The following VSTM2L variants were observed in gnomAD, a reference collection of about 807,000 sequenced individuals.
VSTM2L encodes the protein V-set and transmembrane domain-containing protein 2-like protein.
Under a neutral mutation model 19.9 loss-of-function variants are expected in VSTM2L, and 9 were observed. That is an observed-to-expected ratio of 0.45 (90% confidence interval 0.27 to 0.79). VSTM2L has a LOEUF of 0.79. Among genes scored for constraint, VSTM2L ranks in the 30% least tolerant of loss-of-function variants. The pLI is 0.15. For synonymous variants in VSTM2L, 127 were observed against 133.8 expected, an observed-to-expected ratio of 0.95 and a Z score of 0.35; for missense variants, 286 against 295.5, an observed-to-expected ratio of 0.97 and a Z score of 0.24.
intron 3 of VSTM2L, among the ~76,000 whole-genome samples, chr20:37,937,500 G>A (rs907339838): frequency 1.3e-5 from 2 of 152,096 alleles, no homozygotes; most frequent in Non-Finnish European, 2.9e-5. Context: ...AAAGTCATTT[G>A]TGCTAAAATT....
intron 1 of VSTM2L, among the ~76,000 whole-genome samples, chr20:37,923,534 C>T (rs960108456): frequency 6.6e-6 from 1 of 152,228 alleles, no homozygotes; most frequent in African/African-American, 2.4e-5. Context: ...GAGCCCAGCC[C>T]AGCTCAGGCC....
intron 1 of VSTM2L, among the ~76,000 whole-genome samples, chr20:37,920,836 A>G (rs143545761): frequency 1.1e-4 from 16 of 152,284 alleles, no homozygotes; most frequent in African/African-American, 3.6e-4. Context: ...TTCTATGCCT[A>G]TTGGTTTTTT....
intron 3 of VSTM2L, among the ~76,000 whole-genome samples, chr20:37,937,094 G>A (rs1235051701): frequency 2.6e-5 from 4 of 152,058 alleles, no homozygotes; most frequent in East Asian, 1.9e-4. Flanking sequence ...GGTGGTGCAC[G>A]CCTGCAGTCC....
rs2122967975 is a variant in VSTM2L at position 37,931,887 on chromosome 20, C to T, written c.291+83C>T. 1.1e-5 allele frequency: 15 copies of T among 1,425,190 alleles called. No individual in the cohort carries two copies. The South Asian group carries it at 1.6e-4, about 15-fold the overall frequency. The allele number at this position is 1,425,190 out of a possible 1,614,324, so 88.3% of individuals were successfully genotyped here. A position where few individuals can be genotyped will look rare whatever the true frequency, so the allele number is the denominator to read the frequency against. On this transcript the variant is annotated intron_variant, in intron 2 of 3. Coordinates refer to ENST00000373461, the MANE Select transcript of VSTM2L (RefSeq NM_080607.3). ...GGGGTATTTCTCTGCCCCTCTTCTC[C>T]TCTGAGGGATATGGGCTCCAACGCT...
chr20:37,923,523 C>G (rs73096431), intron 1 of VSTM2L, among the ~76,000 whole-genome samples: 3 of 152,222 alleles, frequency 2.0e-5, no homozygotes, highest in Admixed American at 6.5e-5. Flanking sequence ...GTCTTCCCAG[C>G]GAGCCCAGCC....
intron 1 of VSTM2L, among the ~76,000 whole-genome samples, chr20:37,913,837 T>C (rs1206069558): frequency 6.6e-6 from 1 of 152,030 alleles, no homozygotes; most frequent in East Asian, 1.9e-4. Flanking sequence ...GGCTCTGGAG[T>C]TTGGTCTTAC....
chr20:37,931,259 G>A (rs998958136), intron 1 of VSTM2L, among the ~76,000 whole-genome samples: 1 of 152,188 alleles, frequency 6.6e-6, no homozygotes, highest in African/African-American at 2.4e-5. Flanking sequence ...TGGGTTACTG[G>A]AAGAACCTGG....
In VSTM2L at chr20:37,904,857, C is replaced by T. The variant is rs555364144; in HGVS notation, c.121+1386C>T. On this transcript the variant is annotated intron_variant, in intron 1 of 3. Coordinates refer to ENST00000373461, the MANE Select transcript of VSTM2L (RefSeq NM_080607.3). ...CTGCTTTTTGGGAACCATGACTCCC[C>T]GCCCCCTTCTGCCTCACCATGTTTG... is the stretch of plus-strand genomic sequence containing the variant. Among the ~76,000 whole-genome samples, 9 of 152,244 alleles carry T rather than the reference C, an allele frequency of 5.9e-5. No individual in the cohort carries two copies. In the South Asian group the frequency reaches 8.3e-4, roughly 14 times the overall value.
intron 3 of VSTM2L, among the ~76,000 whole-genome samples, 180 bp from the exon 4 acceptor site, chr20:37,943,801 A>G (rs1476890524): frequency 6.6e-6 from 1 of 151,960 alleles, no homozygotes; most frequent in African/African-American, 2.4e-5. Flanking sequence ...GTTGGTGGAC[A>G]TGGCAGTTGC....
chr20:37,923,963 G>A (rs1288590744), intron 1 of VSTM2L, among the ~76,000 whole-genome samples: 2 of 152,232 alleles, frequency 1.3e-5, no homozygotes, highest in African/African-American at 2.4e-5. Context: ...GCACCTGGGT[G>A]TGGTGGCTCA....
At chr20:37,909,104 G>T (rs977121998) in intron 1 of VSTM2L, among the ~76,000 whole-genome samples, 5 of 152,186 alleles carry the variant, frequency 3.3e-5, no homozygotes, top group African/African-American at 1.2e-4. Flanking sequence ...TCACACAGAG[G>T]GGAAGAGCAG....
rs540555335 is a variant in VSTM2L at position 37,935,636 on chromosome 20, G to A, written c.342+2047G>A. Among the ~76,000 whole-genome samples, 13 of 152,150 alleles carry A rather than the reference G, an allele frequency of 8.5e-5. No individual in the cohort carries two copies. In the South Asian group the frequency reaches 1.9e-3, roughly 22 times the overall value. ...CCCTTGAACTTGTGACCCAGCTGGC[G>A]CCCCTCCCATTTCCCTGCTGGCTGT... On this transcript the variant is annotated intron_variant, in intron 3 of 3. Transcript: ENST00000373461.
chr20:37,935,404 C>T (rs2072933800), intron 3 of VSTM2L, among the ~76,000 whole-genome samples: 1 of 152,198 alleles, frequency 6.6e-6, no homozygotes, highest in South Asian at 2.1e-4. Flanking sequence ...CCAAACTTTT[C>T]TCCATGGCCT....
At chr20:37,903,501 C>A (rs1466521293) in intron 1 of VSTM2L, 30 bp downstream of exon 1, 1 of 1,452,490 alleles carries the variant, frequency 6.9e-7, no homozygotes, top group Admixed American at 2.6e-5. Context: ...CCGCGGACTT[C>A]CCCACCAAAC....
At chr20:37,941,282 G>C (rs2072970351) in intron 3 of VSTM2L, among the ~76,000 whole-genome samples, 1 of 152,182 alleles carries the variant, frequency 6.6e-6, no homozygotes, top group Non-Finnish European at 1.5e-5. Flanking sequence ...CAGGAAATAG[G>C]AGGGAGTGGG....
intron 1 of VSTM2L, among the ~76,000 whole-genome samples, chr20:37,904,180 C>T (rs762840543): frequency 2.6e-5 from 4 of 152,202 alleles, no homozygotes; most frequent in Non-Finnish European, 4.4e-5. Context: ...CGGGTGGCAC[C>T]TGGTGGAAGC....
At position 37,931,646 on chromosome 20, in the gene VSTM2L, G is replaced by A; in HGVS notation, c.133G>A (p.Glu45Lys). The A allele has an allele frequency of 6.2e-7, 1 of 1,612,820 alleles. No individual in the cohort carries two copies. Among genetic ancestry groups the A allele is most frequent in the Non-Finnish European group, 8.5e-7 (1 of 1,179,878 alleles). ...TGTTTCTTGCACAGCCCTGTTCACA[G>A]AGACACCCCATGACATGACAGCACG... is the stretch of plus-strand genomic sequence containing the variant. ...NHVSGHALFT[E>K]TPHDMTARTG... is the part of the protein sequence containing the mutation. Residue 45 changes from glutamate to lysine, a missense_variant, in exon 2 of 4, where the codon GAG (glutamate) becomes AAG (lysine). Glu to Lys is a moderately conservative substitution (Grantham distance 56). Transcript: ENST00000373461.
intron 1 of VSTM2L, among the ~76,000 whole-genome samples, chr20:37,920,585 C>T (rs1476776158): frequency 6.6e-6 from 1 of 152,206 alleles, no homozygotes; most frequent in Non-Finnish European, 1.5e-5. Context: ...GCCAGGTGGG[C>T]CAGGCTGGCC....
chr20:37,921,744 C>T (rs777091389), intron 1 of VSTM2L, among the ~76,000 whole-genome samples: 7 of 151,274 alleles, frequency 4.6e-5, no homozygotes, highest in African/African-American at 1.5e-4. Flanking sequence ...ACATTGGAGC[C>T]GAGGTTTGAA....
Sources: gnomAD v4.1 joint callset for allele counts (sites outside exome capture counted in the v4.1 genomes callset) on GRCh38, gnomAD v4.1.1 for gene constraint, MANE v1.5 for transcripts, NCBI Gene and HGNC (gene_info 2026-07-23, HGNC 2026-07-21) for gene names.